ZRANB3: variants seen among roughly 807,000 people sequenced by gnomAD.
The protein encoded by ZRANB3 is zinc finger RANBP2-type containing 3, also known as DNA annealing helicase and endonuclease ZRANB3.
Under a neutral mutation model 133.8 loss-of-function variants are expected in ZRANB3, and 125 were observed. That is an observed-to-expected ratio of 0.93 (90% CI 0.81 to 1.08). ZRANB3 has a LOEUF of 1.08. Ranked by LOEUF, ZRANB3 falls within the 50% of genes least tolerant of loss-of-function variation. The pLI is 0.00. For missense variants in ZRANB3, 1,229 were observed against 1,275.5 expected, an observed-to-expected ratio of 0.96 and a Z score of 0.56; for synonymous variants, 387 against 432.7, an observed-to-expected ratio of 0.89 and a Z score of 1.31.
intron 2 of ZRANB3, among the ~76,000 whole-genome samples, chr2:135,397,535 T>G (rs1447834846): frequency 6.6e-6 from 1 of 152,090 alleles, no homozygotes; most frequent in Admixed American, 6.6e-5. Context: ...ATAAGGAAGA[T>G]TTCTATTATA....
At chr2:135,277,933 CA>C (rs367859811) in intron 8 of ZRANB3, among the ~76,000 whole-genome samples, 1,445 of 115,678 alleles carry the variant, frequency 0.012, 18 homozygotes, top group African/African-American at 0.042. Flanking sequence ...AAAAAAAAAA[CA>C]AAAAAAAAAA....
At chr2:135,313,413 T>A in intron 8 of ZRANB3, 76 bp downstream of exon 8, 2 of 935,586 alleles carry the variant, frequency 2.1e-6, no homozygotes. Context: ...TATAAATAAC[T>A]TGCTTAATTA....
chr2:135,419,375 C>T (rs912205127), intron 2 of ZRANB3, among the ~76,000 whole-genome samples: 6 of 151,042 alleles, frequency 4.0e-5, no homozygotes, highest in Non-Finnish European at 5.9e-5. Flanking sequence ...GACATACACA[C>T]GTGTGTGTGT....
At chr2:135,364,891 A>C (rs1197169368) in intron 3 of ZRANB3, among the ~76,000 whole-genome samples, 1 of 152,154 alleles carries the variant, frequency 6.6e-6, no homozygotes, top group African/African-American at 2.4e-5. Flanking sequence ...TCTACTAAAA[A>C]TACAAAAATT....
intron 2 of ZRANB3, among the ~76,000 whole-genome samples, chr2:135,456,228 G>A (rs1181890909): frequency 1.3e-5 from 2 of 152,186 alleles, no homozygotes. Flanking sequence ...AGAAGGTGTT[G>A]CTGATTTGCA....
chr2:135,529,285 C>T (rs1247503675), intron 1 of ZRANB3, among the ~76,000 whole-genome samples: 2 of 152,166 alleles, frequency 1.3e-5, no homozygotes, highest in African/African-American at 4.8e-5. Flanking sequence ...TAACTTGTAT[C>T]TTCTTTATTC....
chr2:135,309,226 C>T (rs1682852467), intron 8 of ZRANB3, among the ~76,000 whole-genome samples: 1 of 152,062 alleles, frequency 6.6e-6, no homozygotes, highest in African/African-American at 2.4e-5. Flanking sequence ...CGTGATCTGC[C>T]TGCCTCGGCT....
At chr2:135,431,731 A>G (rs1689330671) in intron 2 of ZRANB3, among the ~76,000 whole-genome samples, 1 of 152,196 alleles carries the variant, frequency 6.6e-6, no homozygotes, top group Admixed American at 6.5e-5. Flanking sequence ...TGATCCGAAA[A>G]CTGCAAATTA....
chr2:135,470,136 C>A (rs1292026069), intron 2 of ZRANB3, among the ~76,000 whole-genome samples: 1 of 142,056 alleles, frequency 7.0e-6, no homozygotes, highest in Non-Finnish European at 1.5e-5. Context: ...ACCAGCCTCA[C>A]AAACATGGCG....
At chr2:135,455,456 G>T (rs1385913681) in intron 2 of ZRANB3, among the ~76,000 whole-genome samples, 1 of 151,716 alleles carries the variant, frequency 6.6e-6, no homozygotes, top group South Asian at 2.1e-4. Context: ...CCAAAGTGGT[G>T]GGATTACAGG....
At chr2:135,445,753 G>A (rs1372948059) in intron 2 of ZRANB3, among the ~76,000 whole-genome samples, 3 of 149,962 alleles carry the variant, frequency 2.0e-5, no homozygotes, top group Non-Finnish European at 4.4e-5. Context: ...GCGGGTGCCT[G>A]TAATCCCAGC....
chr2:135,470,932 G>C lies in ZRANB3; in HGVS notation c.161+33397C>G, dbSNP rs529477217. Among the ~76,000 whole-genome samples the C allele has an allele frequency of 4.0e-5, 6 of 150,946 alleles. No individual in the cohort carries two copies. The East Asian group carries it at 1.0e-3, about 25-fold the overall frequency. ...TTCTCCTACCTCAGCCTCCTGAGTA[G>C]CTGGGACTACAGGCGCCCGCCACCA... On this transcript the variant is annotated intron_variant, in intron 2 of 20. Transcript: ENST00000264159.
In ZRANB3 at chr2:135,475,252, C is replaced by T. The variant is rs1014011338; in HGVS notation, c.161+29077G>A. On this transcript the variant is annotated intron_variant, in intron 2 of 20. Transcript: ENST00000264159. ...AAAACCCTTTCTTACACAGTCTGTA[C>T]TTACACATGAAGCATTCACTTAACA... is the stretch of plus-strand genomic sequence containing the variant. Among the ~76,000 whole-genome samples the T allele has an allele frequency of 3.2e-4, 49 of 152,182 alleles. 1 individual carries two copies. Among genetic ancestry groups the T allele is most frequent in the Non-Finnish European group, 1.6e-4 (11 of 68,030 alleles).
chr2:135,264,208 C>G (rs1253944037), intron 12 of ZRANB3, among the ~76,000 whole-genome samples: 1 of 151,446 alleles, frequency 6.6e-6, no homozygotes, highest in African/African-American at 2.4e-5. Flanking sequence ...CGCGGTGGCT[C>G]AAGCCTGTAA....
chr2:135,260,612 GTACTATATATACTA>G (rs893316154), intron 12 of ZRANB3, among the ~76,000 whole-genome samples: 34 of 145,570 alleles, frequency 2.3e-4, no homozygotes, highest in African/African-American at 8.3e-4. Flanking sequence ...TAGTATATAT[GTACTATATATACTA>G]TACTATATGT....
chr2:135,415,808 C>A (rs1465443997), intron 2 of ZRANB3, among the ~76,000 whole-genome samples: 12 of 152,246 alleles, frequency 7.9e-5, no homozygotes, highest in Admixed American at 2.6e-4. Flanking sequence ...TCAATATACA[C>A]AAATCAATAA....
chr2:135,358,321 A>C (rs1379752087), intron 3 of ZRANB3, among the ~76,000 whole-genome samples: 2 of 152,326 alleles, frequency 1.3e-5, no homozygotes, highest in Non-Finnish European at 2.9e-5. Flanking sequence ...TCGTATCTAC[A>C]TGCACAGTGC....
rs368267667 is a variant in ZRANB3 at position 135,227,916 on chromosome 2, T to G, written c.2054A>C (p.Glu685Ala). Reference protein sequence around the residue: ...SKKVQTISDCEKQALAQSEPG... With the variant: ...SKKVQTISDCAKQALAQSEPG... ...TTCTGACTGTGCAAGGGCTTGTTTT[T>G]CACAGTCTGAGATAGTTTGAACCTT... Residue 685 changes from glutamate (E) to alanine (A), a missense_variant, in exon 14 of 21, where the codon GAA (glutamate) becomes GCA (alanine). Physicochemically the swap from Glu to Ala is moderately radical, Grantham distance 107. Transcript: ENST00000264159. The G allele has an allele frequency of 9.6e-6, 15 of 1,558,952 alleles. No homozygotes were observed. Among genetic ancestry groups the G allele is most frequent in the Non-Finnish European group, 1.2e-5 (14 of 1,149,910 alleles).
At chr2:135,515,980 T>C (rs1693680584) in intron 1 of ZRANB3, among the ~76,000 whole-genome samples, 2 of 152,228 alleles carry the variant, frequency 1.3e-5, no homozygotes, top group African/African-American at 4.8e-5. Flanking sequence ...GGTGCATATA[T>C]ATTTAAAACA....
Sources: gnomAD v4.1 joint callset for allele counts (sites outside exome capture counted in the v4.1 genomes callset) on GRCh38, gnomAD v4.1.1 for gene constraint, MANE v1.5 for transcripts, NCBI Gene and HGNC (gene_info 2026-07-23, HGNC 2026-07-21) for gene names.